The following WASF1 variants were observed in gnomAD, a reference collection of about 807,000 sequenced individuals.
The protein encoded by WASF1 is actin-binding protein WASF1.
WASF1 carries 7 observed loss-of-function variants against 50.5 expected under a neutral mutation model. The ratio of observed to expected loss-of-function variants is 0.14; its 90% CI spans 0.08 to 0.26. The LOEUF is 0.26. WASF1 is among the 10% of genes least tolerant of loss of function. The probability of loss-of-function intolerance (pLI) is 1.00; values close to 1 mark genes in which losing one functional copy is unlikely to be tolerated. For missense variants in WASF1, 470 were observed against 694.7 expected, an observed-to-expected ratio of 0.68 and a Z score of 3.64; for synonymous variants, 205 against 244.0, an observed-to-expected ratio of 0.84 and a Z score of 1.49.
chr6:110,102,673 A>G (rs1370201308), intron 9 of WASF1, among the ~76,000 whole-genome samples: 1 of 151,792 alleles, frequency 6.6e-6, no homozygotes, highest in Admixed American at 6.6e-5. Context: ...ATTACAAACC[A>G]CAAAAAGAAA....
At chr6:110,118,316 A>G (rs948494292) in intron 4 of WASF1, among the ~76,000 whole-genome samples, 11 of 138,092 alleles carry the variant, frequency 8.0e-5, no homozygotes, top group Non-Finnish European at 1.6e-4. Flanking sequence ...AAATAAAGGG[A>G]AAGAGGAAGA....
chr6:110,167,933 T>C (rs1266651142), intron 2 of WASF1, among the ~76,000 whole-genome samples: 1 of 152,016 alleles, frequency 6.6e-6, no homozygotes, highest in Non-Finnish European at 1.5e-5. Flanking sequence ...ATTGGAAACA[T>C]TTACATACCA....
chr6:110,128,178 T>G (rs998721660), intron 3 of WASF1, among the ~76,000 whole-genome samples: 2 of 152,182 alleles, frequency 1.3e-5, no homozygotes, highest in African/African-American at 4.8e-5. Flanking sequence ...CCAACTAAAA[T>G]AATCAAAATT....
chr6:110,145,653 A>G (rs1352270996), intron 3 of WASF1, among the ~76,000 whole-genome samples: 3 of 152,106 alleles, frequency 2.0e-5, no homozygotes, highest in African/African-American at 7.2e-5. Context: ...TAATTTATTG[A>G]GAGTTTTTAG....
chr6:110,118,596 G>A (rs2114490817), intron 4 of WASF1, among the ~76,000 whole-genome samples: 1 of 152,164 alleles, frequency 6.6e-6, no homozygotes, highest in Non-Finnish European at 1.5e-5. Context: ...ATAATAACGG[G>A]AGACTTTAAC....
chr6:110,125,709 T>C (rs765387762), intron 4 of WASF1, among the ~76,000 whole-genome samples: 1 of 152,202 alleles, frequency 6.6e-6, no homozygotes, highest in South Asian at 2.1e-4. Flanking sequence ...TTTATGGGTT[T>C]TCTCTTTGTT....
intron 3 of WASF1, among the ~76,000 whole-genome samples, chr6:110,153,017 C>T (rs977927401): frequency 6.6e-6 from 1 of 152,076 alleles, no homozygotes; most frequent in Non-Finnish European, 1.5e-5. Flanking sequence ...TTCTTTTGTT[C>T]AGCCTAATGA....
At chr6:110,179,237 C>T (rs930884443) in intron 1 of WASF1, among the ~76,000 whole-genome samples, 3 of 152,038 alleles carry the variant, frequency 2.0e-5, no homozygotes, top group African/African-American at 7.2e-5. Flanking sequence ...TCCCTCGGCA[C>T]CCAGCCCCGC....
chr6:110,149,577 T>C (rs573351393), intron 3 of WASF1, among the ~76,000 whole-genome samples: 1 of 151,022 alleles, frequency 6.6e-6, no homozygotes, highest in African/African-American at 2.4e-5. Context: ...AAATAATTCA[T>C]ATCCGATTTT....
chr6:110,109,129 C>T (rs1583927227), intron 5 of WASF1, among the ~76,000 whole-genome samples: 2 of 152,204 alleles, frequency 1.3e-5, no homozygotes, highest in East Asian at 3.9e-4. Flanking sequence ...ACGCTGTTAA[C>T]CTCTATGCTA....
chr6:110,140,175 T>C (rs942727853), intron 3 of WASF1, among the ~76,000 whole-genome samples: 6 of 152,294 alleles, frequency 3.9e-5, no homozygotes, highest in Middle Eastern at 3.4e-3. Context: ...CAAAGGTTTA[T>C]TCAATCATGT....
chr6:110,111,959 A>C (rs1004070032), intron 5 of WASF1, among the ~76,000 whole-genome samples: 4 of 151,854 alleles, frequency 2.6e-5, no homozygotes, highest in Non-Finnish European at 4.4e-5. Flanking sequence ...TATCTTAATA[A>C]AGCTATTTTT....
intron 3 of WASF1, among the ~76,000 whole-genome samples, chr6:110,143,162 A>G (rs1775339235): frequency 6.6e-6 from 1 of 151,916 alleles, no homozygotes; most frequent in South Asian, 2.1e-4. Flanking sequence ...TTAATTTTAA[A>G]AAAAACCTTT....
intron 3 of WASF1, among the ~76,000 whole-genome samples, chr6:110,138,838 T>G (rs1246555226): frequency 6.6e-6 from 1 of 152,182 alleles, no homozygotes; most frequent in Non-Finnish European, 1.5e-5. Context: ...GTTCTCACTG[T>G]GGTCCACAGA....
At chr6:110,136,101 G>C (rs1174268733) in intron 3 of WASF1, among the ~76,000 whole-genome samples, 1 of 151,416 alleles carries the variant, frequency 6.6e-6, no homozygotes, top group Admixed American at 6.6e-5. Flanking sequence ...AGCCAGGATG[G>C]TCTCGATCTC....
intron 3 of WASF1, among the ~76,000 whole-genome samples, chr6:110,152,767 T>G (rs1294870130): frequency 6.6e-6 from 1 of 152,216 alleles, no homozygotes. Flanking sequence ...TGTGTGGTAA[T>G]TCGTTAAGCA....
At chr6:110,138,789 C>A (rs1319609522) in intron 3 of WASF1, among the ~76,000 whole-genome samples, 3 of 152,182 alleles carry the variant, frequency 2.0e-5, no homozygotes, top group Non-Finnish European at 4.4e-5. Flanking sequence ...CTGATTGGTC[C>A]ATAGGCGGCC....
rs1031454523 is a variant in WASF1, at chr6:110,146,343, C to T, written c.-29+14292G>A. Among the ~76,000 whole-genome samples the T allele has an allele frequency of 7.9e-5, 12 of 151,568 alleles. No individual in the cohort carries two copies. The East Asian group carries it at 2.3e-3, about 29-fold the overall frequency. On this transcript the variant is annotated intron_variant, in intron 3 of 10. Transcript: ENST00000392589. ...TAAGAATAGAAGCCACTTAATTTTG[C>T]ACAATTGGCAAGTTAAATAATTTGA... is the stretch of plus-strand genomic sequence containing the variant.
chr6:110,173,749 G>A (rs961240818), intron 2 of WASF1, among the ~76,000 whole-genome samples: 2 of 152,166 alleles, frequency 1.3e-5, no homozygotes, highest in African/African-American at 4.8e-5. Flanking sequence ...CTAGCCCACA[G>A]GGCAAGAAAC....
Sources: allele counts gnomAD v4.1 joint callset (sites outside exome capture counted in the v4.1 genomes callset), GRCh38; gene constraint gnomAD v4.1.1; transcripts MANE v1.5; gene names NCBI Gene and HGNC (gene_info 2026-07-23, HGNC 2026-07-21).